DNAJC5B: variants seen among roughly 807,000 people sequenced by gnomAD.
DNAJC5B encodes the protein dnaJ homolog subfamily C member 5B.
In DNAJC5B, 23 loss-of-function variants were observed where a neutral mutation model predicts 24.7. The ratio of observed to expected loss-of-function variants is 0.93; its 90% CI spans 0.67 to 1.32. DNAJC5B has a LOEUF of 1.32. DNAJC5B is among the 40% of genes most tolerant of loss of function. DNAJC5B has a pLI of 0.00. For synonymous variants in DNAJC5B, 101 were observed against 90.1 expected (o/e 1.12, Z -0.68); for missense variants, 238 against 240.8 (o/e 0.99, Z 0.08).
chr8:66,047,271 G>C (rs879737696), intron 2 of DNAJC5B, among the ~76,000 whole-genome samples: 2 of 152,210 alleles, frequency 1.3e-5, no homozygotes, highest in African/African-American at 2.4e-5. Flanking sequence ...CCTTGCAATA[G>C]TGCTTGGATG....
In DNAJC5B at chr8:66,043,579, G is replaced by A. The variant is rs982433900; in HGVS notation, c.-50G>A. On this transcript the variant is annotated 5_prime_UTR_variant, in exon 2 of 6. Coordinates refer to ENST00000276570, the MANE Select transcript of DNAJC5B (RefSeq NM_033105.6). ...CCTGCATGGGGGGGAAGGATGGAAA[G>A]GAGCAGCTGTTTGCTTTGAAACGGT... The A allele has an allele frequency of 2.6e-5, 4 of 152,226 alleles. No individual in the cohort carries two copies. In the East Asian group the frequency reaches 7.7e-4, roughly 29 times the overall value. 9.4% of individuals were successfully genotyped at this position (152,226 alleles called of 1,614,324 possible).
chr8:66,090,090 G>A (rs1343022071), intron 5 of DNAJC5B, among the ~76,000 whole-genome samples: 1 of 152,038 alleles, frequency 6.6e-6, no homozygotes, highest in East Asian at 1.9e-4. Flanking sequence ...GAAATTTGGG[G>A]TGGTATATTT....
intron 1 of DNAJC5B, among the ~76,000 whole-genome samples, chr8:66,038,043 G>A (rs1180072320): frequency 3.9e-5 from 6 of 152,162 alleles, no homozygotes; most frequent in Non-Finnish European, 5.9e-5. Context: ...GGCCACGAGG[G>A]GGTTCCCTTT....
At chr8:66,065,664 C>A (rs1196621099) in intron 3 of DNAJC5B, among the ~76,000 whole-genome samples, 1 of 152,090 alleles carries the variant, frequency 6.6e-6, no homozygotes, top group Non-Finnish European at 1.5e-5. Flanking sequence ...GATTTAGGGG[C>A]TGATCAAGAG....
chr8:66,086,477 T>C (rs1807726251), intron 5 of DNAJC5B, among the ~76,000 whole-genome samples: 1 of 152,204 alleles, frequency 6.6e-6, no homozygotes, highest in African/African-American at 2.4e-5. Context: ...TGATGACTTT[T>C]GCCAACAGAA....
At chr8:66,048,713 A>C (rs72650556) in intron 2 of DNAJC5B, among the ~76,000 whole-genome samples, 25,560 of 152,126 alleles carry the variant, frequency 0.17, 2,672 homozygotes, top group Non-Finnish European at 0.24. Context: ...AAGACCATAC[A>C]GATCTGAGGT....
intron 3 of DNAJC5B, among the ~76,000 whole-genome samples, chr8:66,069,244 T>C (rs1034863267): frequency 1.3e-5 from 2 of 151,828 alleles, no homozygotes; most frequent in African/African-American, 4.8e-5. Flanking sequence ...TAAAAATAAA[T>C]ATAGACCAAA....
At chr8:66,048,920 G>C (rs141792053) in intron 2 of DNAJC5B, among the ~76,000 whole-genome samples, 1 of 152,068 alleles carries the variant, frequency 6.6e-6, no homozygotes. Flanking sequence ...AGCACAAAGC[G>C]AGGCCTCTAA....
intron 5 of DNAJC5B, among the ~76,000 whole-genome samples, chr8:66,095,972 G>A (rs1280630604): frequency 6.6e-6 from 1 of 152,192 alleles, no homozygotes; most frequent in East Asian, 1.9e-4. Context: ...AACACATTCT[G>A]CATTTGTTAT....
intron 5 of DNAJC5B, among the ~76,000 whole-genome samples, chr8:66,083,003 C>CTTTTTTTTTTTTTTTTTT (rs765749597): frequency 3.5e-5 from 3 of 86,724 alleles, no homozygotes; most frequent in African/African-American, 4.9e-5. Flanking sequence ...CTTTTCTTTT[C>CTTTTTTTTTTTTTTTTTT]TTTTTTTTTT....
At chr8:66,039,346 CTT>C (rs59355860) in intron 1 of DNAJC5B, among the ~76,000 whole-genome samples, 80 of 130,538 alleles carry the variant, frequency 6.1e-4, no homozygotes, top group African/African-American at 1.7e-3. Context: ...CCACTTCATA[CTT>C]TTTTTTTTTT....
At chr8:66,086,778 C>T (rs1415668625) in intron 5 of DNAJC5B, among the ~76,000 whole-genome samples, 1 of 152,028 alleles carries the variant, frequency 6.6e-6, no homozygotes, top group Non-Finnish European at 1.5e-5. Flanking sequence ...ATGAAGATTA[C>T]CACAGGAAAT....
chr8:66,016,385 T>C, the DNAJC5B span, among the ~76,000 whole-genome samples: 46 of 152,284 alleles, frequency 3.0e-4, no homozygotes, highest in African/African-American at 1.1e-3. Flanking sequence ...TGAGATCTGA[T>C]GGTTTTATAA....
intron 5 of DNAJC5B, among the ~76,000 whole-genome samples, chr8:66,095,586 C>G (rs1463602068): frequency 2.0e-5 from 3 of 150,520 alleles, no homozygotes; most frequent in Admixed American, 2.0e-4. Context: ...AATTTTCAGC[C>G]CTTCCTCTGT....
At chr8:66,074,728 A>ATAGTTGTTTC (rs1445791425) in intron 3 of DNAJC5B, among the ~76,000 whole-genome samples, 1 of 152,244 alleles carries the variant, frequency 6.6e-6, no homozygotes, top group Non-Finnish European at 1.5e-5. Context: ...TCTATGGACA[A>ATAGTTGTTTC]CATGCAAGAG....
chr8:66,034,176 TTGTGTGTG>T (rs60916429), intron 1 of DNAJC5B, among the ~76,000 whole-genome samples: 2 of 144,190 alleles, frequency 1.4e-5, no homozygotes, highest in South Asian at 4.5e-4. Context: ...TGTTGTTGTT[TTGTGTGTG>T]TGTGTGTGTG....
chr8:66,072,381 G>A (rs1807369884), intron 3 of DNAJC5B, among the ~76,000 whole-genome samples: 2 of 152,084 alleles, frequency 1.3e-5, no homozygotes, highest in African/African-American at 4.8e-5. Flanking sequence ...TAAGGATATA[G>A]AAGATTTGAA....
At chr8:66,088,341 T>C (rs75665944) in intron 5 of DNAJC5B, among the ~76,000 whole-genome samples, 3 of 152,286 alleles carry the variant, frequency 2.0e-5, no homozygotes, top group African/African-American at 7.2e-5. Context: ...CATTTTTTTT[T>C]CTCCTAGGCC....
chr8:66,052,110 C>G (rs1251992861), intron 3 of DNAJC5B, among the ~76,000 whole-genome samples: 12 of 151,346 alleles, frequency 7.9e-5, no homozygotes. Flanking sequence ...ATTACAGACA[C>G]CCAGCTAATT....
Sources: gnomAD v4.1 joint callset for allele counts (sites outside exome capture counted in the v4.1 genomes callset) on GRCh38, gnomAD v4.1.1 for gene constraint, MANE v1.5 for transcripts, NCBI Gene and HGNC (gene_info 2026-07-23, HGNC 2026-07-21) for gene names.